Variants in PRKG1 observed in about 807,000 individuals in gnomAD.
PRKG1 encodes protein kinase cGMP-dependent 1.
A neutral mutation model predicts 88.1 loss-of-function variants in PRKG1; 35 were observed. The observed-to-expected ratio is 0.40, with a 90% confidence interval of 0.30 to 0.53. The LOEUF is 0.53. Ranked by LOEUF, PRKG1 falls within the 20% of genes least tolerant of loss-of-function variation. PRKG1 has a pLI of 0.59. For synonymous variants in PRKG1, 303 were observed against 292.5 expected, an observed-to-expected ratio of 1.04 and a Z score of -0.37; for missense variants, 540 against 839.8, an observed-to-expected ratio of 0.64 and a Z score of 4.41.
intron 3 of PRKG1, among the ~76,000 whole-genome samples, chr10:51,525,406 A>G (rs532047938): frequency 2.2e-4 from 34 of 152,364 alleles, no homozygotes; most frequent in African/African-American, 7.2e-4. Flanking sequence ...CATGCAATAA[A>G]TAAGAAATGC....
intron 7 of PRKG1, among the ~76,000 whole-genome samples, chr10:52,118,196 G>A (rs1178267806): frequency 6.6e-6 from 1 of 151,890 alleles, no homozygotes; most frequent in African/African-American, 2.4e-5. Context: ...CTTACTGTGT[G>A]TGAGATAGTT....
Position 51,643,087 on chromosome 10 carries a change from T to A in PRKG1, c.593-161498T>A, listed in dbSNP as rs181966937. On this transcript the variant is annotated intron_variant, in intron 3 of 17. Transcript: ENST00000373980. ...TAATGATAGACACTGTGATTTTTTT[T>A]AAAAAATATGTTACTATTTGTTCAT... Among the ~76,000 whole-genome samples, 1,033 of 151,978 alleles carry A rather than the reference T, an allele frequency of 6.8e-3. 10 individuals carry two copies. The highest frequency in any genetic ancestry group is 0.019 in the African/African-American group (769 of 41,496).
intron 1 of PRKG1, among the ~76,000 whole-genome samples, chr10:51,026,093 C>G (rs1198762076): frequency 6.6e-6 from 1 of 152,008 alleles, no homozygotes; most frequent in Non-Finnish European, 1.5e-5. Flanking sequence ...CCAAAGAACA[C>G]CAAAGATTGA....
At chr10:51,842,684 A>G (rs917662744) in intron 4 of PRKG1, among the ~76,000 whole-genome samples, 5 of 152,200 alleles carry the variant, frequency 3.3e-5, no homozygotes, top group Non-Finnish European at 7.3e-5. Flanking sequence ...GTATGTGCAT[A>G]CTATATGTGT....
rs150961934 is a variant in PRKG1 at position 51,692,570 on chromosome 10, C to T, written c.593-112015C>T. Among the ~76,000 whole-genome samples, 153 of 152,258 alleles carry T rather than the reference C, an allele frequency of 1.0e-3. 1 individual carries two copies. Among genetic ancestry groups the T allele is most frequent in the African/African-American group, 3.5e-3 (144 of 41,560 alleles). On this transcript the variant is annotated intron_variant, in intron 3 of 17. Coordinates refer to ENST00000373980, the MANE Select transcript of PRKG1 (RefSeq NM_006258.4). ...ACTATACCATTTTCCAATGTTGGCA[C>T]TCATTTTAAATGTTATTAAGGTGAG... is the stretch of plus-strand genomic sequence containing the variant.
chr10:51,512,196 T>C (rs1841433001), intron 3 of PRKG1, among the ~76,000 whole-genome samples: 2 of 150,244 alleles, frequency 1.3e-5, no homozygotes, highest in Admixed American at 1.3e-4. Flanking sequence ...TTTTTTAGTT[T>C]TTTTTTTTTT....
At chr10:51,186,946 G>T (rs1837502112) in intron 2 of PRKG1, among the ~76,000 whole-genome samples, 1 of 115,608 alleles carries the variant, frequency 8.6e-6, no homozygotes, top group African/African-American at 3.7e-5. Flanking sequence ...GTTTTGCAAG[G>T]CCCTGTGTTA....
intron 3 of PRKG1, among the ~76,000 whole-genome samples, chr10:51,649,736 G>A (rs1839994965): frequency 2.6e-5 from 4 of 152,200 alleles, no homozygotes; most frequent in Non-Finnish European, 5.9e-5. Flanking sequence ...GACCCGAGCA[G>A]TGGCTCAAGG....
At chr10:51,402,236 A>T (rs1366573807) in intron 2 of PRKG1, among the ~76,000 whole-genome samples, 2 of 152,228 alleles carry the variant, frequency 1.3e-5, no homozygotes, top group Non-Finnish European at 2.9e-5. Context: ...TTCACTTATT[A>T]TGCTATAAGT....
chr10:51,836,076 C>T (rs934274162), intron 4 of PRKG1, among the ~76,000 whole-genome samples: 2 of 152,118 alleles, frequency 1.3e-5, no homozygotes, highest in African/African-American at 4.8e-5. Flanking sequence ...CAAAAACAAT[C>T]CTTATCAAAA....
intron 1 of PRKG1, among the ~76,000 whole-genome samples, chr10:51,000,552 C>T (rs374184119): frequency 1.5e-3 from 222 of 152,308 alleles, no homozygotes; most frequent in Non-Finnish European, 2.6e-3. Context: ...AATTTCATAA[C>T]AATGGTTCCC....
chr10:51,205,127 C>CTTTCTTTCTTTTT (rs1433048297), intron 2 of PRKG1, among the ~76,000 whole-genome samples: 2 of 64,016 alleles, frequency 3.1e-5, no homozygotes, highest in Non-Finnish European at 6.0e-5. Context: ...ATTTTCTTTT[C>CTTTCTTTCTTTTT]TTTTTTTTTT....
chr10:51,297,665 T>C (rs1840755813), intron 2 of PRKG1, among the ~76,000 whole-genome samples: 2 of 152,126 alleles, frequency 1.3e-5, no homozygotes, highest in Admixed American at 6.6e-5. Flanking sequence ...AGAACTTTTG[T>C]TCCACTGCAG....
At chr10:51,933,790 C>A (rs1403861924) in intron 5 of PRKG1, among the ~76,000 whole-genome samples, 1 of 151,966 alleles carries the variant, frequency 6.6e-6, no homozygotes, top group Non-Finnish European at 1.5e-5. Flanking sequence ...TAACTTTTAG[C>A]TACTTTAATA....
intron 2 of PRKG1, among the ~76,000 whole-genome samples, chr10:51,393,994 G>A (rs756616597): frequency 1.3e-5 from 2 of 152,164 alleles, no homozygotes; most frequent in South Asian, 2.1e-4. Flanking sequence ...AAGTACAGGA[G>A]TAGCTTCCAC....
intron 3 of PRKG1, among the ~76,000 whole-genome samples, chr10:51,691,004 C>T (rs1034280370): frequency 3.5e-5 from 5 of 143,246 alleles, no homozygotes; most frequent in Non-Finnish European, 7.6e-5. Flanking sequence ...GAGCTGTTAA[C>T]ATTTAATATC....
At position 52,193,551 on chromosome 10, in the gene PRKG1, AAAAAAAAAAAAC is replaced by A. The variant is rs1326139931; in HGVS notation, c.1076+31600_1076+31611del. On this transcript the variant is annotated intron_variant, in intron 9 of 17. Coordinates refer to ENST00000373980, the MANE Select transcript of PRKG1 (RefSeq NM_006258.4). The stretch of plus-strand genomic sequence containing the variant: ...CAAAAAGAGTGAGACTCTGTCTCAA[AAAAAAAAAAAAC>A]AAAAAAAAAAAACAAAAAAAAAACT... 6.6e-3 allele frequency among the ~76,000 whole-genome samples: 225 copies of A among 34,312 alleles called. 4 individuals carry two copies. The highest frequency in any genetic ancestry group is 0.013 in the African/African-American group (210 of 15,946). 22.5% of individuals were successfully genotyped at this position (34,312 alleles called of 152,430 possible).
At chr10:51,874,460 A>AT (rs1257852750) in intron 4 of PRKG1, among the ~76,000 whole-genome samples, 5 of 152,206 alleles carry the variant, frequency 3.3e-5, no homozygotes, top group South Asian at 2.1e-4. Context: ...TATTTTCACC[A>AT]TTTTTTTGTA....
At chr10:51,043,195 G>A (rs918943158) in intron 1 of PRKG1, among the ~76,000 whole-genome samples, 3 of 152,104 alleles carry the variant, frequency 2.0e-5, no homozygotes, top group Non-Finnish European at 4.4e-5. Flanking sequence ...TACGGGGAGG[G>A]CAGGTCCTGA....
Sources: allele counts gnomAD v4.1 joint callset (sites outside exome capture counted in the v4.1 genomes callset), GRCh38; gene constraint gnomAD v4.1.1; transcripts MANE v1.5; gene names NCBI Gene and HGNC (gene_info 2026-07-23, HGNC 2026-07-21).